Variants in DLGAP1 observed in about 807,000 individuals in gnomAD.
DLGAP1 encodes the protein disks large-associated protein 1.
DLGAP1 carries 11 observed loss-of-function variants against 90.8 expected under a neutral mutation model. The observed-to-expected ratio is 0.12, with a 90% CI of 0.08 to 0.20. The LOEUF (loss-of-function observed/expected upper bound fraction) is 0.20. Ranked by LOEUF, DLGAP1 falls within the 10% of genes least tolerant of loss-of-function variation. The pLI is 1.00. For synonymous variants in DLGAP1, 558 were observed against 540.7 expected, an observed-to-expected ratio of 1.03 and a Z score of -0.44; for missense variants, 1,050 against 1,333.8, an observed-to-expected ratio of 0.79 and a Z score of 3.31.
At chr18:4,229,058 G>C (rs1307198871) in intron 1 of DLGAP1, among the ~76,000 whole-genome samples, 1 of 151,856 alleles carries the variant, frequency 6.6e-6, no homozygotes, top group Non-Finnish European at 1.5e-5. Flanking sequence ...ACCTGAAATA[G>C]AAATCAAGAA....
At chr18:4,371,509 C>A (rs2081916050) in intron 1 of DLGAP1, among the ~76,000 whole-genome samples, 1 of 152,204 alleles carries the variant, frequency 6.6e-6, no homozygotes, top group South Asian at 2.1e-4. Flanking sequence ...ATGACTCAAA[C>A]CCTATTTCAC....
intron 1 of DLGAP1, among the ~76,000 whole-genome samples, chr18:4,301,544 T>C (rs990602683): frequency 2.0e-5 from 3 of 152,226 alleles, no homozygotes; most frequent in African/African-American, 7.2e-5. Context: ...CATTCATCGG[T>C]TGGTGGACAC....
intron 1 of DLGAP1, among the ~76,000 whole-genome samples, chr18:4,249,293 G>A (rs1041071878): frequency 5.9e-5 from 9 of 152,128 alleles, no homozygotes; most frequent in Middle Eastern, 3.4e-3. Flanking sequence ...GCTCAGTGTA[G>A]AGCTCCTGAA....
chr18:4,201,631 A>C lies in DLGAP1; in HGVS notation c.-266-50344T>G, dbSNP rs555972256. Among the ~76,000 whole-genome samples, 59 of 152,268 alleles carry C rather than the reference A, an allele frequency of 3.9e-4. 1 individual carries two copies. Among genetic ancestry groups the C allele is most frequent in the African/African-American group, 1.4e-3 (59 of 41,568 alleles). ...CTTTCAAACAAATCACCAAGAAAAA[A>C]AACAAAGAATACCATTAAAAACTAT... On this transcript the variant is annotated intron_variant, in intron 1 of 12. Coordinates refer to ENST00000315677, the MANE Select transcript of DLGAP1 (RefSeq NM_004746.4).
chr18:4,376,755 C>T (rs554140428), intron 1 of DLGAP1, among the ~76,000 whole-genome samples: 67 of 152,226 alleles, frequency 4.4e-4, no homozygotes, highest in African/African-American at 1.6e-3. Context: ...TGTAAATCCT[C>T]GGTAGAGGTG....
chr18:3,890,699 T>C (rs958163274), intron 3 of DLGAP1, among the ~76,000 whole-genome samples: 2 of 152,238 alleles, frequency 1.3e-5, no homozygotes, highest in African/African-American at 4.8e-5. Context: ...TGGCATTCAT[T>C]GTTTCTGGAT....
intron 2 of DLGAP1, among the ~76,000 whole-genome samples, chr18:4,065,284 T>C (rs1266681763): frequency 6.6e-6 from 1 of 152,072 alleles, no homozygotes; most frequent in African/African-American, 2.4e-5. Flanking sequence ...AAGGATGCCC[T>C]CTCTCATCAC....
At chr18:3,785,296 C>T (rs991305063) in intron 5 of DLGAP1, among the ~76,000 whole-genome samples, 22 of 152,160 alleles carry the variant, frequency 1.4e-4, no homozygotes, top group African/African-American at 4.3e-4. Flanking sequence ...GAGTTGCTTA[C>T]GGATGCTGGA....
At chr18:3,641,586 T>TACAC (rs61136246) in intron 7 of DLGAP1, among the ~76,000 whole-genome samples, 14,311 of 134,760 alleles carry the variant, frequency 0.11, 908 homozygotes, top group Non-Finnish European at 0.12. Context: ...CATATATATA[T>TACAC]ACACACACAC....
intron 8 of DLGAP1, among the ~76,000 whole-genome samples, chr18:3,570,711 T>C (rs1218422800): frequency 2.0e-5 from 3 of 151,776 alleles, no homozygotes; most frequent in Admixed American, 6.6e-5. Context: ...AGAGGATCGC[T>C]TGAGCCCAAG....
intron 2 of DLGAP1, among the ~76,000 whole-genome samples, chr18:4,008,442 C>G (rs1394528115): frequency 6.6e-6 from 1 of 152,078 alleles, no homozygotes; most frequent in Non-Finnish European, 1.5e-5. Context: ...TGAATCCAAG[C>G]AGGAAGGCTT....
intron 5 of DLGAP1, among the ~76,000 whole-genome samples, chr18:3,786,964 A>ACATTGTCTTAGATGAAAG (rs11270795): frequency 0.15 from 23,112 of 151,818 alleles, 2,275 homozygotes; most frequent in East Asian, 0.47. Flanking sequence ...TCGCATTTTT[A>ACATTGTCTTAGATGAAAG]CATTGTCTTA....
At chr18:4,421,991 G>C (rs2083047143) in intron 1 of DLGAP1, among the ~76,000 whole-genome samples, 1 of 152,126 alleles carries the variant, frequency 6.6e-6, no homozygotes. Context: ...TAGGATTACA[G>C]GTGTGAGCCA....
chr18:4,210,553 T>C (rs182617813), intron 1 of DLGAP1, among the ~76,000 whole-genome samples: 136 of 152,280 alleles, frequency 8.9e-4, no homozygotes, highest in African/African-American at 3.1e-3. Context: ...ACTGCCTTGA[T>C]TGATTCAATA....
At chr18:4,304,432 G>A (rs2080200236) in intron 1 of DLGAP1, among the ~76,000 whole-genome samples, 1 of 152,144 alleles carries the variant, frequency 6.6e-6, no homozygotes, top group African/African-American at 2.4e-5. Flanking sequence ...ATTAATGTTT[G>A]CAGTTGTTAG....
chr18:4,342,337 C>G lies in DLGAP1; in HGVS notation c.-267+112669G>C, dbSNP rs2081208594. On this transcript the variant is annotated intron_variant, in intron 1 of 12. Coordinates refer to ENST00000315677, the MANE Select transcript of DLGAP1 (RefSeq NM_004746.4). This position sits in a 1 kb window ranked among gnomAD's most constrained non-coding sequence, Gnocchi z 5.8. Reference sequence around the variant, plus strand: ...TATTTTTGAACTATAAAATATTATACTTATGAATATAAATAGAATATGTTA... The same window carrying G: ...TATTTTTGAACTATAAAATATTATAGTTATGAATATAAATAGAATATGTTA... Among the ~76,000 whole-genome samples the G allele has an allele frequency of 6.6e-6, 1 of 151,996 alleles. No individual in the cohort carries two copies.
chr18:3,953,309 A>G (rs1373252863), intron 3 of DLGAP1, among the ~76,000 whole-genome samples: 2 of 152,168 alleles, frequency 1.3e-5, no homozygotes, highest in East Asian at 3.9e-4. Context: ...TGCAATAGGT[A>G]ATTTTCAACA....
rs549314252 is a variant in DLGAP1, at chr18:3,746,465, G to C, written c.1173-3953C>G. ...CCATAAAGAGAAAGGTTAATGAATGGAAGTACATGAAAATTTAAAACTTTT... is the reference window on the plus strand; with the variant it reads ...CCATAAAGAGAAAGGTTAATGAATGCAAGTACATGAAAATTTAAAACTTTT... On this transcript the variant is annotated intron_variant, in intron 5 of 12. Transcript: ENST00000315677. Among the ~76,000 whole-genome samples the C allele has an allele frequency of 3.9e-5, 6 of 152,226 alleles. No individual in the cohort carries two copies. The South Asian group carries it at 1.2e-3, about 32-fold the overall frequency.
At chr18:3,917,539 A>G in intron 3 of DLGAP1, among the ~76,000 whole-genome samples, 1 of 147,062 alleles carries the variant, frequency 6.8e-6, no homozygotes, top group Non-Finnish European at 1.5e-5. Context: ...ACATCATTTT[A>G]TAGAGTAATG....
Sources: allele counts gnomAD v4.1 joint callset (sites outside exome capture counted in the v4.1 genomes callset), GRCh38; gene constraint gnomAD v4.1.1; non-coding constraint Gnocchi (gnomAD v3.1); transcripts MANE v1.5; gene names NCBI Gene and HGNC (gene_info 2026-07-23, HGNC 2026-07-21).